Variants in SDCBP2 observed in about 807,000 individuals in gnomAD.
SDCBP2 encodes the protein syntenin-2.
SDCBP2 carries 28 observed loss-of-function variants against 30.7 expected under a neutral mutation model. That is an observed-to-expected ratio of 0.91 (90% CI 0.68 to 1.25). The LOEUF is 1.25. Ranked by LOEUF, SDCBP2 falls within the 50% of genes most tolerant of loss-of-function variation. SDCBP2 has a pLI of 0.00. For missense variants in SDCBP2, 399 were observed against 379.0 expected (o/e 1.05, Z -0.44); for synonymous variants, 166 against 157.3 (o/e 1.06, Z -0.41).
chr20:1,325,861 A>C (rs2088917803), intron 1 of SDCBP2: 1 of 152,080 alleles, frequency 6.6e-6, no homozygotes, highest in Non-Finnish European at 1.5e-5. Flanking sequence ...CTTCTGACCC[A>C]GTGTTGAGCT....
chr20:1,312,537 G>A (rs1425958696), intron 6 of SDCBP2, 29 bp from the exon 7 acceptor site: 1 of 1,614,048 alleles, frequency 6.2e-7, no homozygotes, highest in Admixed American at 1.7e-5. Flanking sequence ...AGCTGTCCTG[G>A]GGACATGGCT....
intron 3 of SDCBP2, among the ~76,000 whole-genome samples, chr20:1,319,251 C>A (rs1054501118): frequency 1.3e-5 from 2 of 152,204 alleles, no homozygotes; most frequent in Non-Finnish European, 2.9e-5. Flanking sequence ...AGAGGCCCCA[C>A]AAATGATATC....
Position 1,319,752 on chromosome 20 carries a change from G to C in SDCBP2, c.55-93C>G, listed in dbSNP as rs555743812. The C allele has an allele frequency of 9.9e-5, 102 of 1,027,608 alleles. No homozygotes were observed. The African/African-American group carries it at 1.4e-3, about 15-fold the overall frequency. 63.7% of individuals were successfully genotyped at this position (1,027,608 alleles called of 1,614,324 possible). Reference sequence around the variant, plus strand: ...CATGAGGCCAGGGTCTGGGCATTAGGGGTGTGAGTGGGCCCGGGGTGTGGG... The same window carrying C: ...CATGAGGCCAGGGTCTGGGCATTAGCGGTGTGAGTGGGCCCGGGGTGTGGG... On this transcript the variant is annotated intron_variant, in intron 2 of 8. Coordinates refer to ENST00000360779, the MANE Select transcript of SDCBP2 (RefSeq NM_080489.5).
chr20:1,319,803 T>C, intron 2 of SDCBP2, 144 bp from the exon 3 acceptor site: 1 of 636,898 alleles, frequency 1.6e-6, no homozygotes, highest in Non-Finnish European at 2.6e-6. Context: ...CCCTCAGGGC[T>C]CAAGATCACG....
At chr20:1,317,990 C>T (rs1329833598) in intron 4 of SDCBP2, 2 of 384,784 alleles carry the variant, frequency 5.2e-6, no homozygotes, top group Non-Finnish European at 1.0e-5. Context: ...CTCTGTTTAT[C>T]CATGCAGGCA....
intron 1 of SDCBP2, among the ~76,000 whole-genome samples, chr20:1,328,832 T>C (rs1307493631): frequency 2.6e-5 from 4 of 152,054 alleles, no homozygotes; most frequent in Admixed American, 1.3e-4. Flanking sequence ...TCATGGGCAG[T>C]CAGAAGGCAT....
chr20:1,326,794 C>T (rs2088934060), intron 1 of SDCBP2, among the ~76,000 whole-genome samples: 1 of 152,248 alleles, frequency 6.6e-6, no homozygotes, highest in African/African-American at 2.4e-5. Context: ...AAATGTCACT[C>T]ATTTGTTAAC....
At chr20:1,325,837 T>A (rs1034628533) in intron 1 of SDCBP2, 3 of 152,236 alleles carry the variant, frequency 2.0e-5, no homozygotes, top group African/African-American at 7.2e-5. Context: ...CACCCGTTTC[T>A]TGTCTGGCCG....
intron 4 of SDCBP2, among the ~76,000 whole-genome samples, chr20:1,316,234 T>C (rs985364303): frequency 6.6e-6 from 1 of 152,132 alleles, no homozygotes; most frequent in African/African-American, 2.4e-5. Context: ...GCCAGGGAAA[T>C]GCAAATTAAG....
chr20:1,320,268 G>C lies in SDCBP2; in HGVS notation c.54+95C>G. The C allele has an allele frequency of 3.5e-6, 4 of 1,137,170 alleles. No individual in the cohort carries two copies. Among genetic ancestry groups the C allele is most frequent in the Non-Finnish European group, 1.3e-6 (1 of 775,468 alleles). The allele number at this position is 1,137,170 out of a possible 1,614,324, so 70.4% of individuals were successfully genotyped here. A position where few individuals can be genotyped will look rare whatever the true frequency, so the allele number is the denominator to read the frequency against. ...GACACCTACATGCCCTGAGGCCTAC[G>C]GGAATCTCCAAGTGGCCCCAGTACC... On this transcript the variant is annotated intron_variant, in intron 2 of 8. Coordinates refer to ENST00000360779, the MANE Select transcript of SDCBP2 (RefSeq NM_080489.5). The surrounding 1 kb of genome is among the most constrained non-coding windows in gnomAD (Gnocchi z 4.7).
In SDCBP2 at chr20:1,313,275, C is replaced by G. The variant is rs1362350285; in HGVS notation, c.384+65G>C. On this transcript the variant is annotated intron_variant, in intron 5 of 8. Transcript: ENST00000360779. This position sits in a 1 kb window ranked among gnomAD's most constrained non-coding sequence, Gnocchi z 5.2. ...TTACTGTGGACGGGCCCTCTGAGCT[C>G]TGAGGCCTGGCGGGAGAGCGCGTGC... 1.9e-6 allele frequency: 3 copies of G among 1,538,690 alleles called. No homozygotes were observed. The highest frequency in any genetic ancestry group is 1.8e-6 in the Non-Finnish European group (2 of 1,131,812).
At position 1,310,805 on chromosome 20, in the gene SDCBP2, G is replaced by T; in HGVS notation, c.819C>A (p.Val273=). The T allele has an allele frequency of 6.2e-7, 1 of 1,612,224 alleles. No homozygotes were observed. Among genetic ancestry groups the T allele is most frequent in the South Asian group, 1.1e-5 (1 of 90,990 alleles). ...GAGGAGGGGTGCAGCCTTACTTTTT[G>T]ACCATGTGCTCGTAGATCACACTGG... ...IIPSVIYEHM[V]KKLPPVLLHH... is the part of the protein sequence containing the mutation. Residue 273 remains valine (V), a synonymous_variant, in exon 8 of 9, where the codon GTC becomes GTA. Transcript: ENST00000360779.
intron 8 of SDCBP2, 42 bp from the exon 9 acceptor site, chr20:1,310,537 T>C: frequency 1.3e-6 from 2 of 1,596,958 alleles, no homozygotes; most frequent in Non-Finnish European, 1.7e-6. Context: ...CAGCTCCTTC[T>C]CTCCACCCTC....
At chr20:1,328,640 A>G (rs1175905350) in intron 1 of SDCBP2, among the ~76,000 whole-genome samples, 1 of 152,182 alleles carries the variant, frequency 6.6e-6, no homozygotes, top group African/African-American at 2.4e-5. Flanking sequence ...GCAGTTCCCC[A>G]GCAGGTGTTT....
At chr20:1,316,610 G>A (rs374236261) in intron 4 of SDCBP2, among the ~76,000 whole-genome samples, 2 of 152,058 alleles carry the variant, frequency 1.3e-5, no homozygotes, top group African/African-American at 4.8e-5. Flanking sequence ...GGCTGGTCTC[G>A]AACTTCTGGG....
intron 4 of SDCBP2, among the ~76,000 whole-genome samples, chr20:1,315,353 A>C (rs758365179): frequency 1.3e-5 from 2 of 152,124 alleles, no homozygotes; most frequent in Non-Finnish European, 2.9e-5. Context: ...AACAGGGTGA[A>C]ACCTCATCTC....
chr20:1,314,571 A>G (rs550672442), intron 4 of SDCBP2, among the ~76,000 whole-genome samples: 12 of 142,554 alleles, frequency 8.4e-5, no homozygotes, highest in Non-Finnish European at 1.7e-4. Flanking sequence ...ATACAATACA[A>G]TACCACTTAC....
chr20:1,320,244 A>G lies in SDCBP2; in HGVS notation c.54+119T>C. ...CTCTGCCCAGCAGGCCCTGCAGTGGACACCTACATGCCCTGAGGCCTACGG... is the reference window on the plus strand; with the variant it reads ...CTCTGCCCAGCAGGCCCTGCAGTGGGCACCTACATGCCCTGAGGCCTACGG... On this transcript the variant is annotated intron_variant, in intron 2 of 8. Coordinates refer to ENST00000360779, the MANE Select transcript of SDCBP2 (RefSeq NM_080489.5). The surrounding 1 kb of genome is among the most constrained non-coding windows in gnomAD (Gnocchi z 4.7). 1 of 829,914 alleles carries G rather than the reference A, an allele frequency of 1.2e-6. No homozygotes were observed. The highest frequency in any genetic ancestry group is 1.9e-6 in the Non-Finnish European group (1 of 512,838). The allele number at this position is 829,914 out of a possible 1,614,324, so 51.4% of individuals were successfully genotyped here.
At chr20:1,327,992 A>T (rs2088954300) in intron 1 of SDCBP2, among the ~76,000 whole-genome samples, 1 of 152,040 alleles carries the variant, frequency 6.6e-6, no homozygotes, top group Admixed American at 6.6e-5. Context: ...GAGGCACTGG[A>T]GAGAAAGAGC....
Sources: allele counts gnomAD v4.1 joint callset (sites outside exome capture counted in the v4.1 genomes callset), GRCh38; gene constraint gnomAD v4.1.1; non-coding constraint Gnocchi (gnomAD v3.1); transcripts MANE v1.5; gene names NCBI Gene and HGNC (gene_info 2026-07-23, HGNC 2026-07-21).